The following GRM8 variants were observed in gnomAD, a reference collection of about 807,000 sequenced individuals.
The protein encoded by GRM8 is metabotropic glutamate receptor 8.
In GRM8, 47 loss-of-function variants were observed where a neutral mutation model predicts 87.2. That is an observed-to-expected ratio of 0.54 (90% confidence interval 0.43 to 0.69). The LOEUF (loss-of-function observed/expected upper bound fraction) is 0.69, where lower values mean the gene tolerates loss of function less well. GRM8 is among the 30% of genes least tolerant of loss of function. GRM8 has a pLI of 0.00. For synonymous variants in GRM8, 396 were observed against 404.5 expected, an observed-to-expected ratio of 0.98 and a Z score of 0.25; for missense variants, 1,019 against 1,139.2, an observed-to-expected ratio of 0.89 and a Z score of 1.52.
At chr7:126,653,134 T>C (rs1804106198) in intron 7 of GRM8, among the ~76,000 whole-genome samples, 1 of 151,842 alleles carries the variant, frequency 6.6e-6, no homozygotes, top group Non-Finnish European at 1.5e-5. Context: ...AGAATACATG[T>C]CTACAGAAAC....
intron 6 of GRM8, among the ~76,000 whole-genome samples, chr7:126,871,966 C>T (rs6975541): frequency 0.38 from 57,552 of 152,008 alleles, 11,784 homozygotes; most frequent in Non-Finnish European, 0.45. Flanking sequence ...CTTACGTTTG[C>T]CGGTTCTAAA....
intron 2 of GRM8, among the ~76,000 whole-genome samples, chr7:127,148,789 A>C (rs1267645323): frequency 6.6e-6 from 1 of 152,112 alleles, no homozygotes; most frequent in Non-Finnish European, 1.5e-5. Context: ...ATGACAATGC[A>C]AACACAGCAT....
chr7:126,950,380 A>G (rs1808004703), intron 3 of GRM8, among the ~76,000 whole-genome samples: 1 of 152,222 alleles, frequency 6.6e-6, no homozygotes, highest in African/African-American at 2.4e-5. Context: ...CAAAAGATAC[A>G]TACTTTGTAA....
At chr7:126,505,442 T>C (rs543051204) in intron 9 of GRM8, among the ~76,000 whole-genome samples, 4 of 152,164 alleles carry the variant, frequency 2.6e-5, no homozygotes, top group Non-Finnish European at 5.9e-5. Flanking sequence ...TGAAGGCTAA[T>C]TCAGACAAGT....
At chr7:127,044,511 A>C (rs1227439932) in intron 3 of GRM8, among the ~76,000 whole-genome samples, 1 of 152,164 alleles carries the variant, frequency 6.6e-6, no homozygotes, top group African/African-American at 2.4e-5. Context: ...AATCTACCTA[A>C]ATTATGCATA....
intron 2 of GRM8, among the ~76,000 whole-genome samples, chr7:127,155,774 G>A (rs555029156): frequency 6.6e-6 from 1 of 152,276 alleles, no homozygotes; most frequent in South Asian, 2.1e-4. Flanking sequence ...ACACATGTTA[G>A]CATTATATAA....
chr7:127,195,577 T>C (rs1795238676), intron 2 of GRM8, among the ~76,000 whole-genome samples: 1 of 152,202 alleles, frequency 6.6e-6, no homozygotes, highest in African/African-American at 2.4e-5. Context: ...TGGCCAGTTC[T>C]ATCCCCTCCG....
chr7:127,212,052 A>G (rs1796239577), intron 2 of GRM8, among the ~76,000 whole-genome samples: 1 of 152,226 alleles, frequency 6.6e-6, no homozygotes, highest in South Asian at 2.1e-4. Flanking sequence ...ACAACCTTAC[A>G]TAATGATCTC....
At chr7:126,573,495 A>T (rs1163731982) in intron 8 of GRM8, among the ~76,000 whole-genome samples, 1 of 152,162 alleles carries the variant, frequency 6.6e-6, no homozygotes, top group African/African-American at 2.4e-5. Context: ...CAGAATCTCA[A>T]AAATATACAA....
chr7:126,974,551 C>T (rs548398756), intron 3 of GRM8, among the ~76,000 whole-genome samples: 1 of 152,190 alleles, frequency 6.6e-6, no homozygotes, highest in African/African-American at 2.4e-5. Flanking sequence ...GAAAAAAGTA[C>T]ATACTGGAAC....
At chr7:126,936,939 G>A (rs1806396102) in intron 3 of GRM8, among the ~76,000 whole-genome samples, 1 of 152,188 alleles carries the variant, frequency 6.6e-6, no homozygotes, top group Admixed American at 6.5e-5. Flanking sequence ...AGTTTAGCCT[G>A]TATTCTAATA....
chr7:126,642,052 G>T (rs567120568), intron 7 of GRM8, among the ~76,000 whole-genome samples: 1 of 152,240 alleles, frequency 6.6e-6, no homozygotes, highest in African/African-American at 2.4e-5. Context: ...TAGATATTGG[G>T]TAGGCACTAG....
chr7:127,199,123 G>C (rs530242126), intron 2 of GRM8, among the ~76,000 whole-genome samples: 1 of 150,782 alleles, frequency 6.6e-6, no homozygotes, highest in East Asian at 2.0e-4. Flanking sequence ...TTACAGGCGT[G>C]AGCCACCGCA....
At chr7:126,829,632 C>T (rs1209936810) in intron 6 of GRM8, among the ~76,000 whole-genome samples, 1 of 151,980 alleles carries the variant, frequency 6.6e-6, no homozygotes, top group East Asian at 1.9e-4. Flanking sequence ...ATACAGCACA[C>T]TGATGGGTCT....
At chr7:126,448,131 A>G (rs1802222203) in intron 9 of GRM8, among the ~76,000 whole-genome samples, 1 of 151,976 alleles carries the variant, frequency 6.6e-6, no homozygotes, top group Non-Finnish European at 1.5e-5. Flanking sequence ...TTGACTGCAG[A>G]GAGAGGACAT....
intron 3 of GRM8, among the ~76,000 whole-genome samples, chr7:127,087,174 A>T (rs1216768749): frequency 6.6e-6 from 1 of 152,184 alleles, no homozygotes; most frequent in Admixed American, 6.5e-5. Context: ...GCAGAGAAGA[A>T]ACCAGCCTCA....
chr7:126,980,505 T>C (rs1000316087), intron 3 of GRM8, among the ~76,000 whole-genome samples: 2 of 152,368 alleles, frequency 1.3e-5, no homozygotes, highest in African/African-American at 4.8e-5. Flanking sequence ...TTCTTCACCT[T>C]TGTTTCTTTA....
intron 1 of GRM8, among the ~76,000 whole-genome samples, chr7:127,249,618 G>A (rs372767254): frequency 1.3e-5 from 2 of 151,952 alleles, no homozygotes; most frequent in East Asian, 1.9e-4. Context: ...TGAGTTTGTC[G>A]CAATTTGTCA....
rs991223310 is a variant in GRM8 at position 127,069,489 on chromosome 7, A to T, written c.727+37007T>A. Reference sequence around the variant, plus strand: ...AATAACAAATATTTTAATTTAAAAAAAAAAGAAATCACCCCTTTGTGGGTA... The same window carrying T: ...AATAACAAATATTTTAATTTAAAAATAAAAGAAATCACCCCTTTGTGGGTA... On this transcript the variant is annotated intron_variant, in intron 3 of 10. Coordinates refer to ENST00000339582, the MANE Select transcript of GRM8 (RefSeq NM_000845.3). 4.6e-5 allele frequency among the ~76,000 whole-genome samples: 7 copies of T among 152,336 alleles called. No homozygotes were observed. The East Asian group carries it at 1.3e-3, about 29-fold the overall frequency.
Sources: allele counts gnomAD v4.1 joint callset (sites outside exome capture counted in the v4.1 genomes callset), GRCh38; gene constraint gnomAD v4.1.1; transcripts MANE v1.5; gene names NCBI Gene and HGNC (gene_info 2026-07-23, HGNC 2026-07-21).